Variants in MTF1 observed in about 807,000 individuals in gnomAD.
The protein encoded by MTF1 is metal regulatory transcription factor 1.
MTF1 carries 22 observed loss-of-function variants against 70.4 expected under a neutral mutation model. That is an observed-to-expected ratio of 0.31 (90% CI 0.22 to 0.45). The LOEUF is 0.45. MTF1 is among the 20% of genes least tolerant of loss of function. The pLI, the probability that MTF1 is intolerant of heterozygous loss-of-function variation, is 1.00. For missense variants in MTF1, 649 were observed against 922.0 expected (o/e 0.70, Z 3.83); for synonymous variants, 333 against 352.8 (o/e 0.94, Z 0.63).
At chr1:37,816,689 AAAG>A (rs1164487336) in intron 10 of MTF1, among the ~76,000 whole-genome samples, 2 of 151,266 alleles carry the variant, frequency 1.3e-5, no homozygotes, top group Admixed American at 6.6e-5. Context: ...AAAAAAAAAA[AAAG>A]AAAGAAAAAA....
intron 2 of MTF1, among the ~76,000 whole-genome samples, chr1:37,847,921 C>T (rs1641358342): frequency 6.6e-6 from 1 of 152,164 alleles, no homozygotes; most frequent in Non-Finnish European, 1.5e-5. Flanking sequence ...GCCGTAATCA[C>T]TCCACTGCAC....
intron 9 of MTF1, among the ~76,000 whole-genome samples, chr1:37,818,953 A>G (rs903558857): frequency 1.3e-5 from 2 of 151,882 alleles, no homozygotes; most frequent in African/African-American, 4.8e-5. Context: ...AGATCGCACC[A>G]CTGCACTCCA....
intron 1 of MTF1, among the ~76,000 whole-genome samples, chr1:37,858,997 G>A (rs1238337385): frequency 6.6e-6 from 1 of 152,212 alleles, no homozygotes; most frequent in Non-Finnish European, 1.5e-5. Context: ...GGGATGGCTA[G>A]ACAGTTACCA....
intron 9 of MTF1, among the ~76,000 whole-genome samples, chr1:37,818,235 T>A (rs991954793): frequency 6.6e-6 from 1 of 152,218 alleles, no homozygotes; most frequent in South Asian, 2.1e-4. Flanking sequence ...ATGAATTAAT[T>A]CACTCATGGA....
intron 2 of MTF1, among the ~76,000 whole-genome samples, chr1:37,855,203 C>A (rs1319004042): frequency 2.0e-5 from 3 of 152,132 alleles, no homozygotes; most frequent in Non-Finnish European, 4.4e-5. Context: ...AAGAAAAATC[C>A]ATGATCTTCA....
At chr1:37,824,659 C>T (rs1451727441) in intron 7 of MTF1, among the ~76,000 whole-genome samples, 2 of 152,200 alleles carry the variant, frequency 1.3e-5, no homozygotes, top group Admixed American at 1.3e-4. Context: ...GATCGCACCA[C>T]TGCACTCCAG....
chr1:37,832,430 C>A, intron 6 of MTF1, 108 bp from the exon 7 acceptor site: 1 of 687,650 alleles, frequency 1.5e-6, no homozygotes. Context: ...CACATGTCTA[C>A]ATGTATTATC....
chr1:37,837,792 C>T (rs1398969918), intron 4 of MTF1, among the ~76,000 whole-genome samples: 3 of 152,216 alleles, frequency 2.0e-5, no homozygotes, highest in African/African-American at 7.2e-5. Context: ...AGGCATGAGC[C>T]GCCATGCCCG....
intron 1 of MTF1, among the ~76,000 whole-genome samples, chr1:37,859,321 C>T (rs1000023763): frequency 1.3e-5 from 2 of 152,228 alleles, no homozygotes; most frequent in Admixed American, 1.3e-4. Context: ...AGCTGGGGGT[C>T]TCCAAGCAAG....
At chr1:37,826,296 C>A (rs147204543) in intron 7 of MTF1, among the ~76,000 whole-genome samples, 1 of 152,076 alleles carries the variant, frequency 6.6e-6, no homozygotes, top group Non-Finnish European at 1.5e-5. Flanking sequence ...CTTTTCCCCC[C>A]CTTTTTTTCA....
rs1197127876 is a variant in MTF1 at position 37,822,109 on chromosome 1, C to T, written c.1767+12G>A. On this transcript the variant is annotated intron_variant, in intron 9 of 10. Transcript: ENST00000373036. ...CTTCACCCCACTGGGTATATTCATA[C>T]ATAATACTTACAATTTGTTCTTGGT... 5 of 1,573,226 alleles carry T rather than the reference C, an allele frequency of 3.2e-6. No homozygotes were observed. The highest frequency in any genetic ancestry group is 1.3e-5 in the African/African-American group (1 of 74,358).
Position 37,815,304 on chromosome 1 carries a change from G to C in MTF1, c.2094C>G (p.Ser698Arg). The C allele has an allele frequency of 6.2e-7, 1 of 1,614,076 alleles. No homozygotes were observed. The highest frequency in any genetic ancestry group is 8.5e-7 in the Non-Finnish European group (1 of 1,180,040). ...SSTLPSSCEQ[S>R]RQAETPSDPQ... ...GGTCTGAAGGAGTCTCTGCTTGTCG[G>C]CTTTGCTCACAGGAGGAGGGCAAGG... Residue 698 changes from serine (S) to arginine (R), a missense_variant, in exon 11 of 11, where the codon AGC becomes AGG. Ser to Arg is a moderately radical substitution (Grantham distance 110, BLOSUM62 -1). Around this residue, in one of 7 missense-constraint regions of MTF1, gnomAD observed 138 missense variants for 134.4 expected, o/e 1.03. Coordinates refer to ENST00000373036, the MANE Select transcript of MTF1 (RefSeq NM_005955.3). This position sits in a 1 kb window ranked among gnomAD's most constrained non-coding sequence, Gnocchi z 4.5.
At chr1:37,823,615 A>G in intron 8 of MTF1, 95 bp downstream of exon 8, 1 of 912,076 alleles carries the variant, frequency 1.1e-6, no homozygotes, top group Non-Finnish European at 1.7e-6. Flanking sequence ...TAGAAAGCTC[A>G]CTTCATTTAC....
chr1:37,847,252 C>T lies in MTF1; in HGVS notation c.409-7094G>A, dbSNP rs1641347259. On this transcript the variant is annotated intron_variant, in intron 2 of 10. Coordinates refer to ENST00000373036, the MANE Select transcript of MTF1 (RefSeq NM_005955.3). ...TCAATACCTGATTCTTGTATCTTTG[C>T]AAAAGTGGTGTGTGATGGTAGAAAG... 2.0e-5 allele frequency among the ~76,000 whole-genome samples: 3 copies of T among 152,128 alleles called. No individual in the cohort carries two copies. In the South Asian group the frequency reaches 6.2e-4, roughly 32 times the overall value.
chr1:37,835,770 AG>A, intron 4 of MTF1, 26 bp from the exon 5 acceptor site: 1 of 1,577,382 alleles, frequency 6.3e-7, no homozygotes, highest in Non-Finnish European at 8.7e-7. Flanking sequence ...AAAGAGAAAC[AG>A]GAGTCATTAG....
At chr1:37,849,190 C>A (rs1036600321) in intron 2 of MTF1, among the ~76,000 whole-genome samples, 3 of 152,142 alleles carry the variant, frequency 2.0e-5, no homozygotes, top group Admixed American at 6.5e-5. Context: ...CTGTGGGAGG[C>A]CAAGGCGGGT....
chr1:37,831,588 C>T (rs1259344478), intron 7 of MTF1, among the ~76,000 whole-genome samples: 1 of 152,162 alleles, frequency 6.6e-6, no homozygotes, highest in African/African-American at 2.4e-5. Context: ...AGCTCAGACT[C>T]AATGCATTGG....
rs537768050 is a variant in MTF1 at position 37,828,368 on chromosome 1, G to A, written c.1068+3877C>T. Among the ~76,000 whole-genome samples the A allele has an allele frequency of 1.2e-3, 177 of 152,248 alleles. 2 individuals carry two copies. The highest frequency in any genetic ancestry group is 2.0e-3 in the Non-Finnish European group (136 of 68,030). On this transcript the variant is annotated intron_variant, in intron 7 of 10. Transcript: ENST00000373036. The stretch of plus-strand genomic sequence containing the variant: ...CACCCAGACTGGAGTGCAATGGCAC[G>A]ATTTCAGCTCACTGCAACCTCTGCC...
intron 2 of MTF1, among the ~76,000 whole-genome samples, chr1:37,854,469 G>A (rs768370269): frequency 3.3e-5 from 5 of 152,192 alleles, no homozygotes; most frequent in Non-Finnish European, 5.9e-5. Flanking sequence ...CCTGTGCACT[G>A]TAAAACATTT....
Sources: gnomAD v4.1 joint callset for allele counts (sites outside exome capture counted in the v4.1 genomes callset) on GRCh38, gnomAD v4.1.1 for gene constraint, gnomAD v4.1.1 regional missense constraint, Gnocchi (gnomAD v3.1) non-coding constraint, MANE v1.5 for transcripts, NCBI Gene and HGNC (gene_info 2026-07-23, HGNC 2026-07-21) for gene names.